Variants in C8A observed in about 807,000 individuals in gnomAD.
C8A encodes the protein complement component C8 alpha chain.
Under a neutral mutation model 65.3 loss-of-function variants are expected in C8A, and 67 were observed. That is an observed-to-expected ratio of 1.03 (90% CI 0.84 to 1.26). C8A has a LOEUF of 1.26. Ranked by LOEUF, C8A falls within the 50% of genes most tolerant of loss-of-function variation. The pLI is 0.00. For missense variants in C8A, 781 were observed against 723.9 expected (o/e 1.08, Z -0.90); for synonymous variants, 290 against 259.4 (o/e 1.12, Z -1.13).
chr1:56,916,290 T>C (rs1383338636), intron 10 of C8A, among the ~76,000 whole-genome samples: 1 of 152,182 alleles, frequency 6.6e-6, no homozygotes, highest in Non-Finnish European at 1.5e-5. Flanking sequence ...ATCAACCTGG[T>C]TCAAAGCAAG....
Position 56,874,996 on chromosome 1 carries a change from C to A in C8A, c.219C>A (p.Ile73=). ...LLQPNKFGGT[I]CSGDIWDQAS... is the part of the protein sequence containing the mutation. ...AGCCAAACAAGTTTGGGGGAACCAT[C>A]TGCAGTGGTGACATCTGGGATCAAG... Residue 73 remains isoleucine (I), a synonymous_variant, in exon 3 of 11, where the codon ATC becomes ATA. Coordinates refer to ENST00000361249, the MANE Select transcript of C8A (RefSeq NM_000562.3). The A allele has an allele frequency of 6.2e-7, 1 of 1,613,770 alleles. No individual in the cohort carries two copies.
intron 9 of C8A, 27 bp downstream of exon 9, chr1:56,908,140 T>G (rs1385723550): frequency 1.2e-6 from 2 of 1,609,938 alleles, no homozygotes. Context: ...TTGAAGAAAC[T>G]CTACGTCCAT....
chr1:56,900,644 C>CATGAG (rs3040442), intron 7 of C8A, among the ~76,000 whole-genome samples: 112,636 of 151,542 alleles, frequency 0.74, 42,602 homozygotes, highest in East Asian at 1. Context: ...TAAAATATAG[C>CATGAG]ATATTAATCT....
chr1:56,867,183 G>A (rs533374182), intron 1 of C8A, among the ~76,000 whole-genome samples: 1 of 152,028 alleles, frequency 6.6e-6, no homozygotes, highest in Admixed American at 6.6e-5. Context: ...TTTTAATGTA[G>A]TTTTATAGAT....
At chr1:56,856,695 T>C (rs189372821) in intron 1 of C8A, among the ~76,000 whole-genome samples, 2 of 152,244 alleles carry the variant, frequency 1.3e-5, no homozygotes, top group African/African-American at 4.8e-5. Flanking sequence ...ATTTGCTTAT[T>C]ATAAAATCTT....
chr1:56,913,849 C>T (rs554579588), intron 10 of C8A, among the ~76,000 whole-genome samples: 2 of 152,308 alleles, frequency 1.3e-5, no homozygotes, highest in South Asian at 4.1e-4. Context: ...GGGGCTGAAG[C>T]CATGTGGCTC....
In C8A at chr1:56,889,912, A is replaced by T. The variant is rs540283863; in HGVS notation, c.1096+3745A>T. Reference sequence around the variant, plus strand: ...CGTTAGACTTCAATGAGATCCTAACATTTCCTCAAGGGCTGTGACTGACAG... The same window carrying T: ...CGTTAGACTTCAATGAGATCCTAACTTTTCCTCAAGGGCTGTGACTGACAG... On this transcript the variant is annotated intron_variant, in intron 7 of 10. Coordinates refer to ENST00000361249, the MANE Select transcript of C8A (RefSeq NM_000562.3). 5.9e-5 allele frequency among the ~76,000 whole-genome samples: 9 copies of T among 152,210 alleles called. 1 individual carries two copies. In the South Asian group the frequency reaches 1.9e-3, roughly 32 times the overall value.
chr1:56,894,955 T>G (rs548409623), intron 7 of C8A, among the ~76,000 whole-genome samples: 1 of 152,190 alleles, frequency 6.6e-6, no homozygotes, highest in African/African-American at 2.4e-5. Flanking sequence ...ATACAATGTT[T>G]TTGCGTATAA....
intron 6 of C8A, among the ~76,000 whole-genome samples, chr1:56,884,199 A>C (rs1644271754): frequency 6.6e-6 from 1 of 152,124 alleles, no homozygotes; most frequent in African/African-American, 2.4e-5. Flanking sequence ...GATTAGTGCA[A>C]ATTGTCCAGA....
chr1:56,861,896 G>C (rs1400082845), intron 1 of C8A, among the ~76,000 whole-genome samples: 1 of 152,092 alleles, frequency 6.6e-6, no homozygotes, highest in Non-Finnish European at 1.5e-5. Flanking sequence ...GCCTAGGATT[G>C]GTAGCTAATT....
chr1:56,901,906 G>T (rs1644429493), intron 7 of C8A, among the ~76,000 whole-genome samples: 1 of 152,016 alleles, frequency 6.6e-6, no homozygotes, highest in Admixed American at 6.6e-5. Flanking sequence ...CCCCACACTT[G>T]ACTCTCAGCT....
intron 8 of C8A, among the ~76,000 whole-genome samples, chr1:56,907,517 CACCCCCTACTGT>C (rs1557714919): frequency 6.6e-6 from 1 of 152,210 alleles, no homozygotes; most frequent in Non-Finnish European, 1.5e-5. Context: ...CTGCCTCCCA[CACCCCCTACTGT>C]ATAGCTAACT....
intron 10 of C8A, 58 bp from the exon 11 acceptor site, chr1:56,917,507 G>A: frequency 6.3e-7 from 1 of 1,590,126 alleles, no homozygotes; most frequent in Non-Finnish European, 8.6e-7. Flanking sequence ...TCACCAGACA[G>A]GCCCTTCCTT....
intron 7 of C8A, among the ~76,000 whole-genome samples, chr1:56,905,558 T>A (rs1019407990): frequency 3.3e-5 from 5 of 152,236 alleles, no homozygotes; most frequent in Non-Finnish European, 5.9e-5. Context: ...GTCCTTGACA[T>A]CACAGAGTTT....
intron 7 of C8A, among the ~76,000 whole-genome samples, chr1:56,891,474 A>C (rs1408066450): frequency 6.6e-6 from 1 of 152,160 alleles, no homozygotes; most frequent in Non-Finnish European, 1.5e-5. Flanking sequence ...TCAACGGGTC[A>C]GCAGACCATT....
intron 4 of C8A, among the ~76,000 whole-genome samples, chr1:56,879,451 A>G (rs528849712): frequency 2.0e-5 from 3 of 152,306 alleles, no homozygotes; most frequent in Non-Finnish European, 4.4e-5. Context: ...TAGAGGTTAT[A>G]TTATACTCTT....
intron 7 of C8A, among the ~76,000 whole-genome samples, chr1:56,896,554 ACT>A (rs1455409267): frequency 6.6e-6 from 1 of 152,182 alleles, no homozygotes; most frequent in Non-Finnish European, 1.5e-5. Context: ...CAGTCCTTCG[ACT>A]GATTGCATGA....
At chr1:56,890,952 A>G (rs1361691883) in intron 7 of C8A, among the ~76,000 whole-genome samples, 1 of 152,148 alleles carries the variant, frequency 6.6e-6, no homozygotes, top group Non-Finnish European at 1.5e-5. Flanking sequence ...TGTTCATTCC[A>G]ATCATTTTTG....
Position 56,912,536 on chromosome 1 carries a change from A to G in C8A, c.1514A>G (p.Asn505Ser), listed in dbSNP as rs1557716977. 1 of 1,614,166 alleles carries G rather than the reference A, an allele frequency of 6.2e-7. No homozygotes were observed. The highest frequency in any genetic ancestry group is 1.1e-5 in the South Asian group (1 of 91,082). Residue 505 changes from asparagine (N) to serine (S), a missense_variant, in exon 10 of 11, where the codon AAT becomes AGT. Coordinates refer to ENST00000361249, the MANE Select transcript of C8A (RefSeq NM_000562.3). ...NACRCGPCFN[N>S]GVPILEGTSC... ...TGCCGATGTGGGCCTTGCTTCAACA[A>G]TGGGGTGCCCATCCTCGAGGGCACC...
Sources: allele counts gnomAD v4.1 joint callset (sites outside exome capture counted in the v4.1 genomes callset), GRCh38; gene constraint gnomAD v4.1.1; transcripts MANE v1.5; gene names NCBI Gene and HGNC (gene_info 2026-07-23, HGNC 2026-07-21).